Variants in ARHGEF18 observed in about 807,000 individuals in gnomAD.
The protein encoded by ARHGEF18 is Rho/Rac guanine nucleotide exchange factor 18.
Under a neutral mutation model 155.7 loss-of-function variants are expected in ARHGEF18, and 93 were observed. That is an observed-to-expected ratio of 0.60 (90% CI 0.50 to 0.71). The LOEUF (loss-of-function observed/expected upper bound fraction) is 0.71. Among genes scored for constraint, ARHGEF18 ranks in the 30% least tolerant of loss-of-function variants. The probability of loss-of-function intolerance (pLI) is 0.00; values close to 1 mark genes in which losing one functional copy is unlikely to be tolerated. For missense variants in ARHGEF18, 1,593 were observed against 1,816.1 expected (o/e 0.88, Z 2.23); for synonymous variants, 742 against 753.1 (o/e 0.99, Z 0.24).
chr19:7,411,186 TA>T (rs1395387819), intron 10 of ARHGEF18, among the ~76,000 whole-genome samples: 4 of 152,144 alleles, frequency 2.6e-5, no homozygotes, highest in Non-Finnish European at 4.4e-5. Flanking sequence ...TCAGATATGT[TA>T]AAAATGAAGT....
chr19:7,445,500 T>G (rs1241194133), intron 14 of ARHGEF18, among the ~76,000 whole-genome samples: 3 of 152,116 alleles, frequency 2.0e-5, no homozygotes, highest in Non-Finnish European at 2.9e-5. Flanking sequence ...GTAGTGGTAT[T>G]AACCCCAAAT....
At chr19:7,379,864 CA>C (rs1263546803) in intron 7 of ARHGEF18, among the ~76,000 whole-genome samples, 2 of 151,950 alleles carry the variant, frequency 1.3e-5, no homozygotes, top group Non-Finnish European at 2.9e-5. Flanking sequence ...CCTGTCTCTA[CA>C]AAAAACATTT....
chr19:7,355,562 G>A (rs977326939), intron 1 of ARHGEF18: 2 of 954,680 alleles, frequency 2.1e-6, no homozygotes, highest in Non-Finnish European at 1.2e-6. Flanking sequence ...CTTACTGGCA[G>A]CCCCATCCTG....
downstream of ARHGEF18, chr19:7,477,146 T>G (rs1385582001): frequency 2.2e-6 from 3 of 1,378,080 alleles, no homozygotes; most frequent in Non-Finnish European, 2.8e-6. Flanking sequence ...GGCTTCTGCT[T>G]TGCGGGAAGG....
rs987233144 is a variant in ARHGEF18 at position 7,444,215 on chromosome 19, A to G, written c.1372A>G (p.Thr458Ala). 29 of 1,613,130 alleles carry G rather than the reference A, an allele frequency of 1.8e-5. No homozygotes were observed. Among genetic ancestry groups the G allele is most frequent in the Non-Finnish European group, 2.4e-5 (28 of 1,179,912 alleles). Residue 458 changes from threonine (T) to alanine (A), a missense_variant, in exon 14 of 29, where the codon ACA becomes GCA. Coordinates refer to ENST00000668164, the MANE Select transcript of ARHGEF18 (RefSeq NM_001367823.1). This position sits in a 1 kb window ranked among gnomAD's most constrained non-coding sequence, Gnocchi z 4.7. ...RQDVLYELMQ[T>A]EVHHVRTLKI... is the part of the protein sequence containing the mutation. ...CTGTGTCCCTGCAGAGCTGATGCAG[A>G]CAGAGGTGCACCACGTGCGGACGCT...
At chr19:7,396,666 G>C (rs1166123629) in intron 10 of ARHGEF18, among the ~76,000 whole-genome samples, 2 of 151,150 alleles carry the variant, frequency 1.3e-5, no homozygotes, top group African/African-American at 4.9e-5. Flanking sequence ...AGTGAGCCGC[G>C]ATCGGGCCAC....
At chr19:7,400,201 G>A (rs1971960291) in intron 10 of ARHGEF18, among the ~76,000 whole-genome samples, 2 of 152,096 alleles carry the variant, frequency 1.3e-5, no homozygotes, top group South Asian at 4.1e-4. Flanking sequence ...TAATACAGCA[G>A]CTTTATTGAA....
intron 10 of ARHGEF18, chr19:7,394,972 G>A (rs1600283189): frequency 1.1e-6 from 1 of 892,776 alleles, no homozygotes; most frequent in African/African-American, 1.8e-5. Flanking sequence ...CCCTCTCAAG[G>A]CCGAGCCGAC....
intron 8 of ARHGEF18, 103 bp downstream of exon 8, chr19:7,381,097 G>A: frequency 1.1e-6 from 1 of 905,194 alleles, no homozygotes; most frequent in Non-Finnish European, 1.4e-6. Flanking sequence ...GCAGGAGCTG[G>A]AGCCCCCATC....
intron 4 of ARHGEF18, among the ~76,000 whole-genome samples, chr19:7,376,400 C>G (rs1229038728): frequency 6.6e-6 from 1 of 152,064 alleles, no homozygotes; most frequent in African/African-American, 2.4e-5. Flanking sequence ...GGCTCTGATA[C>G]CTGGGGCTCC....
At chr19:7,396,349 A>G (rs1289080270) in intron 10 of ARHGEF18, among the ~76,000 whole-genome samples, 1 of 152,154 alleles carries the variant, frequency 6.6e-6, no homozygotes, top group East Asian at 1.9e-4. Flanking sequence ...AGTTCAGGAC[A>G]GTATAGACAG....
intron 15 of ARHGEF18, among the ~76,000 whole-genome samples, chr19:7,450,198 C>A (rs968102114): frequency 6.6e-6 from 1 of 151,026 alleles, no homozygotes; most frequent in Non-Finnish European, 1.5e-5. Context: ...TGTCCATTTC[C>A]GAGCTGTTAA....
the ARHGEF18 span, among the ~76,000 whole-genome samples, chr19:7,479,256 G>A: frequency 3.3e-5 from 5 of 152,262 alleles, no homozygotes; most frequent in Non-Finnish European, 5.9e-5. Flanking sequence ...GGCCAAGGCC[G>A]GTGGATCACC....
chr19:7,439,698 C>G (rs1974502517), intron 10 of ARHGEF18: 1 of 1,252,718 alleles, frequency 8.0e-7, no homozygotes, highest in South Asian at 2.5e-5. Flanking sequence ...AAACACCATG[C>G]CCTGCCATCT....
chr19:7,468,870 G>A lies in ARHGEF18; in HGVS notation c.3526G>A (p.Glu1176Lys). The part of the protein sequence containing the change: ...HPPSFNGEGL[E>K]GPRVSMLPSG... ...TCCCAGCTTCAACGGGGAAGGGCTG[G>A]AGGGCCCTCGTGTGAGCATGCTGCC... is the stretch of plus-strand genomic sequence containing the variant. Residue 1176 changes from glutamate to lysine, a missense_variant, in exon 27 of 29, where the codon GAG becomes AAG. Physicochemically the swap from Glu to Lys is moderately conservative, Grantham distance 56. Transcript: ENST00000668164. 1 of 1,571,258 alleles carries A rather than the reference G, an allele frequency of 6.4e-7. No homozygotes were observed. Among genetic ancestry groups the A allele is most frequent in the Non-Finnish European group, 8.6e-7 (1 of 1,156,772 alleles).
chr19:7,441,748 A>G lies in ARHGEF18; in HGVS notation c.1202A>G (p.Glu401Gly). 1 of 1,614,190 alleles carries G rather than the reference A, an allele frequency of 6.2e-7. No individual in the cohort carries two copies. Among genetic ancestry groups the G allele is most frequent in the Non-Finnish European group, 8.5e-7 (1 of 1,180,032 alleles). Residue 401 changes from glutamate (E) to glycine (G), a missense_variant, in exon 12 of 29, where the codon GAG (glutamate) becomes GGG (glycine). Transcript: ENST00000668164. ...DSLSLTSPNT[E>G]SIFVEDPYTA... The stretch of plus-strand genomic sequence containing the variant: ...CTGTCCCTTACATCTCCAAACACCG[A>G]GTCCATTTTTGTAGAAGGTATGGTC...
chr19:7,406,062 A>G (rs932348170), intron 10 of ARHGEF18, among the ~76,000 whole-genome samples: 3 of 152,088 alleles, frequency 2.0e-5, no homozygotes, highest in African/African-American at 7.2e-5. Flanking sequence ...GGAGGTCTTC[A>G]GGAGAACACC....
intron 15 of ARHGEF18, among the ~76,000 whole-genome samples, chr19:7,448,505 C>CA (rs1408859302): frequency 6.6e-6 from 1 of 152,002 alleles, no homozygotes; most frequent in Non-Finnish European, 1.5e-5. Context: ...ACTAAAAGTA[C>CA]AAAAAATTAG....
chr19:7,394,789 T>G (rs1971595713), intron 10 of ARHGEF18, among the ~76,000 whole-genome samples: 1 of 151,900 alleles, frequency 6.6e-6, no homozygotes, highest in African/African-American at 2.4e-5. Flanking sequence ...CACCTAACCC[T>G]GCTGCTCTCC....
Sources: gnomAD v4.1 joint callset for allele counts (sites outside exome capture counted in the v4.1 genomes callset) on GRCh38, gnomAD v4.1.1 for gene constraint, Gnocchi (gnomAD v3.1) non-coding constraint, MANE v1.5 for transcripts, NCBI Gene and HGNC (gene_info 2026-07-23, HGNC 2026-07-21) for gene names.